The following RALGAPA2 variants were observed in gnomAD, a reference collection of about 807,000 sequenced individuals.
RALGAPA2 encodes ral GTPase-activating protein subunit alpha-2.
A neutral mutation model predicts 230.4 loss-of-function variants in RALGAPA2; 139 were observed. The ratio of observed to expected loss-of-function variants is 0.60; its 90% CI spans 0.53 to 0.69. The LOEUF is 0.69. RALGAPA2 is among the 30% of genes least tolerant of loss of function. RALGAPA2 has a pLI of 0.00. For missense variants in RALGAPA2, 2,163 were observed against 2,276.0 expected, an observed-to-expected ratio of 0.95 and a Z score of 1.01; for synonymous variants, 847 against 837.8, an observed-to-expected ratio of 1.01 and a Z score of -0.19.
intron 38 of RALGAPA2, among the ~76,000 whole-genome samples, chr20:20,405,220 C>T (rs574652321): frequency 2.6e-5 from 4 of 152,318 alleles, no homozygotes; most frequent in Admixed American, 2.6e-4. Context: ...CTGGCCTAAA[C>T]CACTGGCTGG....
At chr20:20,707,522 C>T (rs549472717) in intron 1 of RALGAPA2, among the ~76,000 whole-genome samples, 12 of 152,246 alleles carry the variant, frequency 7.9e-5, no homozygotes, top group African/African-American at 2.9e-4. Context: ...AGGAACAAAA[C>T]ATCAAAAATG....
At chr20:20,640,553 T>G (rs2066997855) in intron 6 of RALGAPA2, 148 bp downstream of exon 6, 1 of 737,616 alleles carries the variant, frequency 1.4e-6, no homozygotes, top group South Asian at 2.3e-5. Flanking sequence ...GATTCTAAGG[T>G]ATGTAAGAAT....
At chr20:20,684,750 G>A (rs184930368) in intron 1 of RALGAPA2, among the ~76,000 whole-genome samples, 46 of 152,236 alleles carry the variant, frequency 3.0e-4, no homozygotes, top group African/African-American at 1.1e-3. Context: ...TTGCTGCCTC[G>A]TTGTCTGGCT....
At chr20:20,486,274 G>A (rs1161989435) in intron 36 of RALGAPA2, among the ~76,000 whole-genome samples, 1 of 151,224 alleles carries the variant, frequency 6.6e-6, no homozygotes, top group African/African-American at 2.4e-5. Flanking sequence ...GAAAGGCAAG[G>A]CAGGTCTACT....
chr20:20,642,115 AGGGGAGGGGAGGGGAGGGGAGGG>A (rs1161101811), intron 5 of RALGAPA2, among the ~76,000 whole-genome samples: 3 of 10,696 alleles, frequency 2.8e-4, no homozygotes, highest in Non-Finnish European at 5.7e-4. Flanking sequence ...AGGGGAGGGG[AGGGGAGGGGAGGGGAGGGGAGGG>A]GAGAGAAGGG....
At chr20:20,633,519 G>A (rs1056920109) in intron 9 of RALGAPA2, among the ~76,000 whole-genome samples, 2 of 151,868 alleles carry the variant, frequency 1.3e-5, no homozygotes, top group African/African-American at 2.4e-5. Flanking sequence ...TTACAGTCTC[G>A]CTCTGTCGCC....
At chr20:20,456,678 C>G (rs1312191424) in intron 37 of RALGAPA2, among the ~76,000 whole-genome samples, 1 of 152,226 alleles carries the variant, frequency 6.6e-6, no homozygotes, top group Admixed American at 6.5e-5. Context: ...GTATGCCTGG[C>G]CAGCCCCAAG....
intron 3 of RALGAPA2, among the ~76,000 whole-genome samples, chr20:20,663,237 A>G (rs2067841424): frequency 6.6e-6 from 1 of 152,204 alleles, no homozygotes; most frequent in Admixed American, 6.5e-5. Flanking sequence ...ATAAAAGAGC[A>G]CCAGCACAAA....
At chr20:20,424,651 A>C (rs1439807433) in intron 37 of RALGAPA2, among the ~76,000 whole-genome samples, 1 of 152,256 alleles carries the variant, frequency 6.6e-6, no homozygotes, top group Non-Finnish European at 1.5e-5. Flanking sequence ...ATATCCATGA[A>C]GTGACAACAA....
At chr20:20,508,003 A>G (rs1019183259) in intron 33 of RALGAPA2, among the ~76,000 whole-genome samples, 1 of 152,162 alleles carries the variant, frequency 6.6e-6, no homozygotes, top group Admixed American at 6.5e-5. Context: ...GTTTATCTAC[A>G]ATGTTTCAGT....
chr20:20,574,215 AG>A (rs1377455586), intron 20 of RALGAPA2, among the ~76,000 whole-genome samples: 1 of 152,190 alleles, frequency 6.6e-6, no homozygotes, highest in Non-Finnish European at 1.5e-5. Flanking sequence ...TTAAGCATGC[AG>A]TGATATGTGA....
rs752973968 is a variant in RALGAPA2 at position 20,584,946 on chromosome 20, G to A, written c.2449C>T (p.Arg817Ter). Residue 817 changes from arginine (R) to a stop codon, truncating the protein, a stop_gained, in exon 19 of 40, where the codon CGA becomes TGA. Transcript: ENST00000202677. LOFTEE classifies it high-confidence loss of function. The stretch of plus-strand genomic sequence containing the variant: ...AATTCAGCAGGGCTGCTGCTTCTTC[G>A]AACTAAGATCTTCAGACAAAAAGAA... ...REHEGITILV[R>*]RSSSPAELDL... 1.2e-6 allele frequency: 2 copies of A among 1,607,546 alleles called. No homozygotes were observed. Among genetic ancestry groups the A allele is most frequent in the Admixed American group, 1.7e-5 (1 of 59,778 alleles).
In RALGAPA2 at chr20:20,513,094, G is replaced by A. The variant is rs2062761425; in HGVS notation, c.4275C>T (p.Asn1425=). Residue 1425 remains asparagine, a synonymous_variant, in exon 32 of 40, where the codon AAC becomes AAT. Coordinates refer to ENST00000202677, the MANE Select transcript of RALGAPA2 (RefSeq NM_020343.4). ...TATCATTAAATACAAACAGCTGCAG[G>A]TTTGGACTTCTGAACACCTCAAAGG... is the stretch of plus-strand genomic sequence containing the variant. ...ELSFEVFRSP[N]LQLFVFNDST... is the part of the protein sequence containing the mutation. 4 of 1,599,174 alleles carry A rather than the reference G, an allele frequency of 2.5e-6. No homozygotes were observed. The highest frequency in any genetic ancestry group is 2.3e-5 in the South Asian group (2 of 87,782).
At chr20:20,633,009 TTC>T (rs376406756) in intron 9 of RALGAPA2, among the ~76,000 whole-genome samples, 12 of 151,068 alleles carry the variant, frequency 7.9e-5, no homozygotes, top group South Asian at 6.3e-4. Flanking sequence ...TACTGGGTCT[TTC>T]TCTCTCTCTC....
chr20:20,571,319 C>G (rs2064626181), intron 23 of RALGAPA2, 139 bp downstream of exon 23: 2 of 955,346 alleles, frequency 2.1e-6, no homozygotes, highest in Non-Finnish European at 3.0e-6. Context: ...GACCATTGTG[C>G]TTGCTGTGTG....
intron 1 of RALGAPA2, among the ~76,000 whole-genome samples, chr20:20,693,327 T>C (rs2068985073): frequency 6.6e-6 from 1 of 152,210 alleles, no homozygotes; most frequent in Non-Finnish European, 1.5e-5. Context: ...ACCAATATAA[T>C]AAAACACACT....
intron 20 of RALGAPA2, among the ~76,000 whole-genome samples, chr20:20,581,699 A>G (rs1417417271): frequency 6.6e-6 from 1 of 152,198 alleles, no homozygotes; most frequent in East Asian, 1.9e-4. Flanking sequence ...TTAGTCTATA[A>G]AGAATTTTAC....
At chr20:20,448,453 C>T (rs2060914146) in intron 37 of RALGAPA2, among the ~76,000 whole-genome samples, 1 of 152,162 alleles carries the variant, frequency 6.6e-6, no homozygotes, top group Admixed American at 6.5e-5. Flanking sequence ...TCAAATTTAT[C>T]AGGTCTTTGA....
intron 7 of RALGAPA2, among the ~76,000 whole-genome samples, chr20:20,637,820 C>T (rs2066904692): frequency 6.6e-6 from 1 of 152,154 alleles, no homozygotes; most frequent in Non-Finnish European, 1.5e-5. Context: ...ATCTAACATT[C>T]CTTGTGCCTT....
Sources: gnomAD v4.1 joint callset for allele counts (sites outside exome capture counted in the v4.1 genomes callset) on GRCh38, gnomAD v4.1.1 for gene constraint, MANE v1.5 for transcripts, NCBI Gene and HGNC (gene_info 2026-07-23, HGNC 2026-07-21) for gene names.